Variants in MAGI1 observed in about 807,000 individuals in gnomAD.
The protein encoded by MAGI1 is membrane associated guanylate kinase, WW and PDZ domain containing 1.
MAGI1 carries 58 observed loss-of-function variants against 139.9 expected under a neutral mutation model. The observed-to-expected ratio is 0.41, with a 90% CI of 0.34 to 0.52. The LOEUF is 0.52. MAGI1 is among the 20% of genes least tolerant of loss of function. The pLI is 0.12. For missense variants in MAGI1, 1,874 were observed against 1,901.6 expected (o/e 0.99, Z 0.27); for synonymous variants, 812 against 737.9 (o/e 1.10, Z -1.63).
chr3:65,462,443 A>G (rs928918972), intron 5 of MAGI1, among the ~76,000 whole-genome samples: 4 of 152,066 alleles, frequency 2.6e-5, no homozygotes, highest in African/African-American at 9.7e-5. Context: ...ATGTGGTGTT[A>G]TTTCTGAGGC....
Position 65,816,133 on chromosome 3 carries a change from T to C in MAGI1, c.314-194045A>G, listed in dbSNP as rs141649263. Reference sequence around the variant, plus strand: ...CTCCCCCTCCCAATTCTGATTCTAATTGGCATTTTCAAACACTCCCCAGGT... The same window carrying C: ...CTCCCCCTCCCAATTCTGATTCTAACTGGCATTTTCAAACACTCCCCAGGT... On this transcript the variant is annotated intron_variant, in intron 1 of 22. Transcript: ENST00000402939. Among the ~76,000 whole-genome samples the C allele has an allele frequency of 3.1e-3, 479 of 152,240 alleles. 1 individual carries two copies. The highest frequency in any genetic ancestry group is 0.011 in the African/African-American group (446 of 41,556).
intron 1 of MAGI1, among the ~76,000 whole-genome samples, chr3:65,797,407 T>C (rs949764295): frequency 2.6e-5 from 4 of 152,132 alleles, no homozygotes; most frequent in Non-Finnish European, 4.4e-5. Flanking sequence ...TCTGATTAAA[T>C]AGATTTAAAA....
At chr3:65,502,484 T>C (rs546201607) in intron 2 of MAGI1, among the ~76,000 whole-genome samples, 3 of 152,170 alleles carry the variant, frequency 2.0e-5, no homozygotes, top group Admixed American at 6.5e-5. Context: ...GAGACAGGCA[T>C]TTTGACACAC....
chr3:65,867,468 C>T (rs145210897), intron 1 of MAGI1, among the ~76,000 whole-genome samples: 55 of 152,306 alleles, frequency 3.6e-4, no homozygotes, highest in African/African-American at 1.2e-3. Context: ...GGCATGGTGG[C>T]TCACGCCTGT....
chr3:65,773,561 G>C (rs1040652279), intron 1 of MAGI1, among the ~76,000 whole-genome samples: 1 of 151,900 alleles, frequency 6.6e-6, no homozygotes, highest in Non-Finnish European at 1.5e-5. Context: ...AGTGGGGGTG[G>C]GATCACTGGT....
At chr3:65,877,208 G>A (rs1302455873) in intron 1 of MAGI1, among the ~76,000 whole-genome samples, 1 of 152,142 alleles carries the variant, frequency 6.6e-6, no homozygotes, top group African/African-American at 2.4e-5. Context: ...TATATAAACT[G>A]CTGTTGGAGA....
intron 1 of MAGI1, among the ~76,000 whole-genome samples, chr3:65,865,830 C>G (rs7639656): frequency 0.46 from 69,393 of 151,866 alleles, 17,815 homozygotes; most frequent in African/African-American, 0.7. Flanking sequence ...AGTAGAGACA[C>G]GGTTTCACCA....
chr3:65,905,736 T>C (rs546617577), intron 1 of MAGI1, among the ~76,000 whole-genome samples: 1 of 152,312 alleles, frequency 6.6e-6, no homozygotes, highest in East Asian at 1.9e-4. Flanking sequence ...ACAGAGCAAA[T>C]TTAGAGTACA....
rs569143932 is a variant in MAGI1 at position 66,021,885 on chromosome 3, C to A, written c.313+16111G>T. 5.3e-5 allele frequency among the ~76,000 whole-genome samples: 8 copies of A among 152,216 alleles called. No homozygotes were observed. The South Asian group carries it at 8.3e-4, about 16-fold the overall frequency. ...TAATTCTGATATACTTTCCATTCAC[C>A]CAAATCCAATGTGTGGGGTACTGTG... is the stretch of plus-strand genomic sequence containing the variant. On this transcript the variant is annotated intron_variant, in intron 1 of 22. Transcript: ENST00000402939.
intron 2 of MAGI1, among the ~76,000 whole-genome samples, chr3:65,533,393 A>G (rs1237662034): frequency 6.6e-6 from 1 of 152,196 alleles, no homozygotes; most frequent in Non-Finnish European, 1.5e-5. Flanking sequence ...AGCTGACAGT[A>G]ACTTTTGCGT....
intron 5 of MAGI1, among the ~76,000 whole-genome samples, chr3:65,468,214 A>G (rs1225435789): frequency 6.6e-6 from 1 of 152,156 alleles, no homozygotes; most frequent in Admixed American, 6.5e-5. Context: ...TCAAGAAAAG[A>G]CTGCTTCTTT....
intron 2 of MAGI1, among the ~76,000 whole-genome samples, chr3:65,503,358 G>C (rs2077158964): frequency 6.6e-6 from 1 of 152,170 alleles, no homozygotes; most frequent in African/African-American, 2.4e-5. Context: ...TCACAAGGAA[G>C]CAAGGCCACT....
intron 1 of MAGI1, among the ~76,000 whole-genome samples, chr3:65,830,272 C>T (rs1439231996): frequency 6.6e-6 from 1 of 151,572 alleles, no homozygotes; most frequent in Non-Finnish European, 1.5e-5. Context: ...CTTCCTGAGG[C>T]TTTTTGTGTA....
intron 2 of MAGI1, among the ~76,000 whole-genome samples, chr3:65,539,861 G>A (rs1267106187): frequency 1.3e-5 from 2 of 152,112 alleles, no homozygotes; most frequent in East Asian, 1.9e-4. Context: ...TTAGCCTCAG[G>A]AACCTGGGAG....
At chr3:65,640,307 C>T (rs2084916749) in intron 1 of MAGI1, among the ~76,000 whole-genome samples, 1 of 152,136 alleles carries the variant, frequency 6.6e-6, no homozygotes, top group South Asian at 2.1e-4. Flanking sequence ...TAGCATGAAG[C>T]ATTCTACTCA....
chr3:66,005,459 A>T (rs2066965103), intron 1 of MAGI1, among the ~76,000 whole-genome samples: 1 of 152,196 alleles, frequency 6.6e-6, no homozygotes, highest in Non-Finnish European at 1.5e-5. Flanking sequence ...TCCCATCAGG[A>T]TAATATCCTC....
chr3:65,613,748 A>C (rs1218715542), intron 2 of MAGI1, among the ~76,000 whole-genome samples: 2 of 152,226 alleles, frequency 1.3e-5, no homozygotes, highest in Non-Finnish European at 2.9e-5. Context: ...TCATCCAATT[A>C]TTAATCTTCA....
intron 1 of MAGI1, among the ~76,000 whole-genome samples, chr3:65,686,269 T>C (rs559599260): frequency 4.6e-5 from 7 of 152,082 alleles, no homozygotes; most frequent in Non-Finnish European, 8.8e-5. Flanking sequence ...TCTGGGCATT[T>C]TGGAAATCTG....
At chr3:65,860,864 T>C (rs1352177793) in intron 1 of MAGI1, among the ~76,000 whole-genome samples, 4 of 152,156 alleles carry the variant, frequency 2.6e-5, no homozygotes, top group Admixed American at 2.0e-4. Context: ...CAATAATCAT[T>C]ATTTTACCCA....
Sources: allele counts gnomAD v4.1 joint callset (sites outside exome capture counted in the v4.1 genomes callset), GRCh38; gene constraint gnomAD v4.1.1; transcripts MANE v1.5; gene names NCBI Gene and HGNC (gene_info 2026-07-23, HGNC 2026-07-21).